Variants in PRMT5 observed in about 807,000 individuals in gnomAD.
PRMT5 encodes the protein protein arginine methyltransferase 5.
In PRMT5, 15 loss-of-function variants were observed where a neutral mutation model predicts 84.0. The observed-to-expected ratio is 0.18, with a 90% CI of 0.12 to 0.28. The LOEUF is 0.28. Ranked by LOEUF, PRMT5 falls within the 10% of genes least tolerant of loss-of-function variation. The pLI is 1.00. For missense variants in PRMT5, 486 were observed against 808.0 expected (o/e 0.60, Z 4.83); for synonymous variants, 276 against 292.4 (o/e 0.94, Z 0.57).
intron 6 of PRMT5, 78 bp downstream of exon 6, chr14:22,926,428 A>G (rs1216286104): frequency 1.9e-6 from 3 of 1,593,622 alleles, no homozygotes. Context: ...AAAATTGTAT[A>G]CTATATATGA....
chr14:22,921,298 T>G, intron 16 of PRMT5, among the ~76,000 whole-genome samples: 1 of 152,084 alleles, frequency 6.6e-6, no homozygotes, highest in East Asian at 1.9e-4. Context: ...CAGAGAAAGT[T>G]TATCTCACAA....
In PRMT5 at chr14:22,924,649, A is replaced by ATT; in HGVS notation, c.998_999dup (p.Tyr334AsnfsTer14). ...CACAGTACCTGCTGGTACTGAGAGT[A>ATT]TTTGATGGGGTCCTTTTCAAACACT... On this transcript the variant is annotated frameshift_variant, in exon 9 of 17. Coordinates refer to ENST00000324366, the MANE Select transcript of PRMT5 (RefSeq NM_006109.5). LOFTEE classifies it high-confidence loss of function. This position sits in a 1 kb window ranked among gnomAD's most constrained non-coding sequence, Gnocchi z 6.5. 1 of 1,614,042 alleles carries ATT rather than the reference A, an allele frequency of 6.2e-7. No homozygotes were observed. The highest frequency in any genetic ancestry group is 8.5e-7 in the Non-Finnish European group (1 of 1,179,970).
chr14:22,926,109 C>T (rs770937850), intron 7 of PRMT5, 24 bp downstream of exon 7: 6 of 1,585,228 alleles, frequency 3.8e-6, no homozygotes, highest in Admixed American at 1.7e-5. Flanking sequence ...GCTGGACTAC[C>T]TTTAGAACCC....
At chr14:22,927,977 A>G (rs909486379) in intron 3 of PRMT5, 149 bp downstream of exon 3, 4 of 746,294 alleles carry the variant, frequency 5.4e-6, no homozygotes, top group Admixed American at 2.9e-5. Flanking sequence ...CCAAAGTGCT[A>G]GGATTATAGG....
chr14:22,922,563 T>C lies in PRMT5; in HGVS notation c.1580-4A>G, dbSNP rs1243641331. 1.2e-6 allele frequency: 2 copies of C among 1,608,252 alleles called. No individual in the cohort carries two copies. The highest frequency in any genetic ancestry group is 2.7e-5 in the African/African-American group (2 of 74,744). On this transcript the variant is annotated splice_region_variant and splice_polypyrimidine_tract_variant and intron_variant, in intron 14 of 16. Coordinates refer to ENST00000324366, the MANE Select transcript of PRMT5 (RefSeq NM_006109.5). ...CGGTTGTTGTCAATCATAGGATCTG[T>C]CAGGAAATAATTATGTGGGTGACAA... is the stretch of plus-strand genomic sequence containing the variant.
intron 4 of PRMT5, among the ~76,000 whole-genome samples, chr14:22,927,084 CT>C (rs34007516): frequency 0.02 from 2,700 of 132,478 alleles, 39 homozygotes; most frequent in African/African-American, 0.064. Context: ...CAATACTGAC[CT>C]TTTTTTTTTT....
In PRMT5 at chr14:22,924,494, T is replaced by G. The variant is rs1301365236; in HGVS notation, c.1061A>C (p.Lys354Thr). Residue 354 changes from lysine to threonine, a missense_variant, in exon 10 of 17, where the codon AAG becomes ACG. Around this residue, in one of 4 missense-constraint regions of PRMT5, gnomAD observed 219 missense variants for 433.6 expected, o/e 0.51. Coordinates refer to ENST00000324366, the MANE Select transcript of PRMT5 (RefSeq NM_006109.5). This position sits in a 1 kb window ranked among gnomAD's most constrained non-coding sequence, Gnocchi z 6.5. ...AAGCACTCACTGGACATTGGTATCCTTCTCCTCTTCTGGTACTCGGTCTAG... is the reference window on the plus strand; with the variant it reads ...AAGCACTCACTGGACATTGGTATCCGTCTCCTCTTCTGGTACTCGGTCTAG... ...CLLDRVPEEE[K>T]DTNVQVLMVL... 1.9e-6 allele frequency: 3 copies of G among 1,614,086 alleles called. No homozygotes were observed. The East Asian group carries it at 6.7e-5, about 36-fold the overall frequency.
At chr14:22,927,084 CTTTT>C (rs34007516) in intron 4 of PRMT5, among the ~76,000 whole-genome samples, 2 of 132,494 alleles carry the variant, frequency 1.5e-5, no homozygotes, top group Non-Finnish European at 3.3e-5. Context: ...CAATACTGAC[CTTTT>C]TTTTTTTTTT....
chr14:22,923,016 A>G lies in PRMT5; in HGVS notation c.1485+35T>C. The G allele has an allele frequency of 6.6e-7, 1 of 1,520,434 alleles. No individual in the cohort carries two copies. The highest frequency in any genetic ancestry group is 9.1e-7 in the Non-Finnish European group (1 of 1,100,948). 94.2% of individuals were successfully genotyped at this position (1,520,434 alleles called of 1,614,324 possible). On this transcript the variant is annotated intron_variant, in intron 13 of 16. Coordinates refer to ENST00000324366, the MANE Select transcript of PRMT5 (RefSeq NM_006109.5). This position sits in a 1 kb window ranked among gnomAD's most constrained non-coding sequence, Gnocchi z 5.2. ...ATACAGAAAAAGAAGAGGACTAAAG[A>G]GTACCACTTCTTTCCAGAGAGAGTG... is the stretch of plus-strand genomic sequence containing the variant.
rs1351077759 is a variant in PRMT5 at position 22,928,779 on chromosome 14, T to A, written c.111-164A>T. Reference sequence around the variant, plus strand: ...CCACCTTGGGGGATATCAACTCTGCTGTACTGTGCCTCAATTTCTCCCTAA... The same window carrying A: ...CCACCTTGGGGGATATCAACTCTGCAGTACTGTGCCTCAATTTCTCCCTAA... On this transcript the variant is annotated intron_variant, in intron 1 of 16. Transcript: ENST00000324366. This position sits in a 1 kb window ranked among gnomAD's most constrained non-coding sequence, Gnocchi z 4.8. Among the ~76,000 whole-genome samples, 1 of 152,294 alleles carries A rather than the reference T, an allele frequency of 6.6e-6. No homozygotes were observed. The highest frequency in any genetic ancestry group is 1.5e-5 in the Non-Finnish European group (1 of 68,020).
chr14:22,927,013 A>G, intron 4 of PRMT5, 199 bp from the exon 5 acceptor site: 1 of 579,950 alleles, frequency 1.7e-6, no homozygotes, highest in Middle Eastern at 3.1e-4. Flanking sequence ...TAAGTTTCCA[A>G]AATAATTACA....
At position 22,923,745 on chromosome 14, in the gene PRMT5, C is replaced by T. The variant is rs2044356392; in HGVS notation, c.1375+263G>A. Among the ~76,000 whole-genome samples, 1 of 152,096 alleles carries T rather than the reference C, an allele frequency of 6.6e-6. No homozygotes were observed. The highest frequency in any genetic ancestry group is 2.4e-5 in the African/African-American group (1 of 41,414). On this transcript the variant is annotated intron_variant, in intron 12 of 16. Coordinates refer to ENST00000324366, the MANE Select transcript of PRMT5 (RefSeq NM_006109.5). This position sits in a 1 kb window ranked among gnomAD's most constrained non-coding sequence, Gnocchi z 5.2. ...CCCAGGCTGGTCTCAAACTCCTGACCTCCCGCCTTGGCCTCCCAAAGTGCT... is the reference window on the plus strand; with the variant it reads ...CCCAGGCTGGTCTCAAACTCCTGACTTCCCGCCTTGGCCTCCCAAAGTGCT...
At position 22,924,977 on chromosome 14, in the gene PRMT5, G is replaced by A; in HGVS notation, c.841C>T (p.Leu281Phe). The change falls in exon 8 of 17, where the codon CTC becomes TTC. Residue 281 changes from leucine to phenylalanine, a missense_variant. Coordinates refer to ENST00000324366, the MANE Select transcript of PRMT5 (RefSeq NM_006109.5). This position sits in a 1 kb window ranked among gnomAD's most constrained non-coding sequence, Gnocchi z 6.5. ...HHSEKEFCSY[L>F]QYLEYLSQNR... The stretch of plus-strand genomic sequence containing the variant: ...TGGCTTAAGTATTCCAGGTATTGGA[G>A]GTAGGAGCAGAACTCCTTCTCTGAG... The A allele has an allele frequency of 6.2e-7, 1 of 1,614,100 alleles. No homozygotes were observed. Among genetic ancestry groups the A allele is most frequent in the Non-Finnish European group, 8.5e-7 (1 of 1,180,028 alleles).
At position 22,929,374 on chromosome 14, in the gene PRMT5, GCT is replaced by G. The variant is rs1205945076; in HGVS notation, c.-15_-14del. 1.2e-6 allele frequency: 2 copies of G among 1,601,316 alleles called. No homozygotes were observed. Among genetic ancestry groups the G allele is most frequent in the South Asian group, 2.2e-5 (2 of 90,418 alleles). On this transcript the variant is annotated 5_prime_UTR_variant, in exon 1 of 17. Coordinates refer to ENST00000324366, the MANE Select transcript of PRMT5 (RefSeq NM_006109.5). ...CCATCGCCGCCATCTTTCTCCTCGC[GCT>G]GTCCACGCCGGGATTCCTTGATACT... is the stretch of plus-strand genomic sequence containing the variant.
intron 7 of PRMT5, 80 bp from the exon 8 acceptor site, chr14:22,925,120 A>G: frequency 1.4e-6 from 2 of 1,452,542 alleles, no homozygotes; most frequent in Non-Finnish European, 1.9e-6. Flanking sequence ...AAAGAGCCCT[A>G]GTGTAAAATA....
rs1469034966 is a variant in PRMT5, at chr14:22,921,072, C to T, written c.1762-16G>A. 1 of 1,613,302 alleles carries T rather than the reference C, an allele frequency of 6.2e-7. No homozygotes were observed. The highest frequency in any genetic ancestry group is 8.5e-7 in the Non-Finnish European group (1 of 1,179,734). On this transcript the variant is annotated splice_polypyrimidine_tract_variant and intron_variant, in intron 16 of 16. Coordinates refer to ENST00000324366, the MANE Select transcript of PRMT5 (RefSeq NM_006109.5). ...TTATGGGCTGCTGTAAGAAGAAAGA[C>T]AGGAAGGTTCAGGGTGAAGCTATGA... is the stretch of plus-strand genomic sequence containing the variant.
chr14:22,925,859 G>A (rs2044407830), intron 7 of PRMT5, among the ~76,000 whole-genome samples: 1 of 151,980 alleles, frequency 6.6e-6, no homozygotes, highest in South Asian at 2.1e-4. Context: ...CTTATGCCAT[G>A]AAAGTATCAA....
chr14:22,921,884 TAAAAAAAA>T (rs34529278), intron 16 of PRMT5, among the ~76,000 whole-genome samples: 1 of 120,014 alleles, frequency 8.3e-6, no homozygotes, highest in East Asian at 2.5e-4. Flanking sequence ...TCCGTCTCTT[TAAAAAAAA>T]AAAAAAAAAA....
At chr14:22,926,368 T>C (rs2139241053) in intron 6 of PRMT5, 72 bp from the exon 7 acceptor site, 5 of 1,595,980 alleles carry the variant, frequency 3.1e-6, no homozygotes, top group Non-Finnish European at 3.4e-6. Context: ...TTGCGCAAAA[T>C]CTGTTTACTT....
Sources: allele counts gnomAD v4.1 joint callset (sites outside exome capture counted in the v4.1 genomes callset), GRCh38; gene constraint gnomAD v4.1.1; regional missense constraint gnomAD v4.1.1; non-coding constraint Gnocchi (gnomAD v3.1); transcripts MANE v1.5; gene names NCBI Gene and HGNC (gene_info 2026-07-23, HGNC 2026-07-21).